Variants in LHFPL2 observed in about 807,000 individuals in gnomAD.
The protein encoded by LHFPL2 is LHFPL tetraspan subfamily member 2 protein.
Under a neutral mutation model 17.5 loss-of-function variants are expected in LHFPL2, and 7 were observed. The ratio of observed to expected loss-of-function variants is 0.40; its 90% CI spans 0.23 to 0.75. LHFPL2 has a LOEUF of 0.75. Ranked by LOEUF, LHFPL2 falls within the 30% of genes least tolerant of loss-of-function variation. The pLI, the probability that LHFPL2 is intolerant of heterozygous loss-of-function variation, is 0.37. For missense variants in LHFPL2, 241 were observed against 294.8 expected (o/e 0.82, Z 1.34); for synonymous variants, 134 against 116.2 (o/e 1.15, Z -0.99).
chr5:78,501,602 C>T (rs942212272), intron 4 of LHFPL2, among the ~76,000 whole-genome samples: 2 of 152,144 alleles, frequency 1.3e-5, no homozygotes, highest in East Asian at 1.9e-4. Context: ...ACTGTGTTGT[C>T]GAGGCTAGCA....
chr5:78,582,756 T>C (rs1344612252), intron 2 of LHFPL2, among the ~76,000 whole-genome samples: 1 of 152,202 alleles, frequency 6.6e-6, no homozygotes, highest in African/African-American at 2.4e-5. Flanking sequence ...AAAAAATGTA[T>C]ATTCTGTTGA....
chr5:78,574,513 T>A (rs1757079730), intron 2 of LHFPL2, among the ~76,000 whole-genome samples: 1 of 152,240 alleles, frequency 6.6e-6, no homozygotes, highest in African/African-American at 2.4e-5. Flanking sequence ...TCTAACCAAA[T>A]GTGTTAATTG....
intron 4 of LHFPL2, among the ~76,000 whole-genome samples, chr5:78,507,450 G>A (rs545727974): frequency 6.6e-6 from 1 of 152,240 alleles, no homozygotes; most frequent in East Asian, 1.9e-4. Context: ...ATGCACACCA[G>A]AGTACCAAAA....
At chr5:78,518,753 A>AC (rs1182253322) in intron 3 of LHFPL2, among the ~76,000 whole-genome samples, 1 of 123,726 alleles carries the variant, frequency 8.1e-6, no homozygotes, top group African/African-American at 3.3e-5. Flanking sequence ...ATGGTCACAG[A>AC]AAAACCCCTT....
chr5:78,556,939 C>T (rs1158866502), intron 3 of LHFPL2, among the ~76,000 whole-genome samples: 1 of 151,260 alleles, frequency 6.6e-6, no homozygotes, highest in Non-Finnish European at 1.5e-5. Flanking sequence ...GGACAGGTCA[C>T]ACATAAACAG....
intron 3 of LHFPL2, among the ~76,000 whole-genome samples, chr5:78,535,349 T>A (rs1250002077): frequency 6.6e-6 from 1 of 152,020 alleles, no homozygotes; most frequent in African/African-American, 2.4e-5. Context: ...CCCCTCAGAT[T>A]CCCCAGATCT....
At chr5:78,579,440 C>T (rs1742998356) in intron 2 of LHFPL2, among the ~76,000 whole-genome samples, 1 of 152,122 alleles carries the variant, frequency 6.6e-6, no homozygotes, top group East Asian at 1.9e-4. Context: ...GCGCTGCACC[C>T]ACTAACTCGT....
Position 78,641,904 on chromosome 5 carries a change from T to TACACACACAC in LHFPL2, c.-350+6594_-350+6595insGTGTGTGTGT, listed in dbSNP as rs1437378031. The stretch of plus-strand genomic sequence containing the variant: ...TTATTGTATTTAAGAAAATGTACAG[T>TACACACACAC]ATACACACACACACACACACACACA... On this transcript the variant is annotated intron_variant, in intron 1 of 4. Transcript: ENST00000380345. 7.0e-4 allele frequency: 22 copies of TACACACACAC among 31,514 alleles called. No homozygotes were observed. In the East Asian group the frequency reaches 0.021, roughly 29 times the overall value. 2.0% of individuals were successfully genotyped at this position (31,514 alleles called of 1,614,324 possible).
intron 3 of LHFPL2, among the ~76,000 whole-genome samples, chr5:78,554,772 G>T (rs1422908954): frequency 6.6e-6 from 1 of 152,194 alleles, no homozygotes; most frequent in Admixed American, 6.5e-5. Flanking sequence ...AGCTGTCTCA[G>T]ATCTTGGGGA....
chr5:78,524,614 C>T (rs755386214), intron 3 of LHFPL2, among the ~76,000 whole-genome samples: 6 of 151,926 alleles, frequency 3.9e-5, no homozygotes, highest in African/African-American at 7.3e-5. Flanking sequence ...TGGTGGCGGG[C>T]GCCTGTAGCC....
At chr5:78,547,243 G>C (rs934417434) in intron 3 of LHFPL2, among the ~76,000 whole-genome samples, 28 of 152,216 alleles carry the variant, frequency 1.8e-4, no homozygotes, top group African/African-American at 6.8e-4. Context: ...GGCTGCATCA[G>C]TAACAACAGA....
At chr5:78,504,651 C>CACGT (rs1754878413) in intron 4 of LHFPL2, among the ~76,000 whole-genome samples, 1 of 152,222 alleles carries the variant, frequency 6.6e-6, no homozygotes, top group Non-Finnish European at 1.5e-5. Context: ...GCAAAACCCC[C>CACGT]ACGTGTCTGT....
intron 3 of LHFPL2, among the ~76,000 whole-genome samples, chr5:78,561,586 A>G (rs1756728746): frequency 6.6e-6 from 1 of 152,234 alleles, no homozygotes; most frequent in Non-Finnish European, 1.5e-5. Context: ...GATAAAACGC[A>G]GCTCAACAAG....
intron 4 of LHFPL2, among the ~76,000 whole-genome samples, chr5:78,496,912 C>T (rs1036175938): frequency 2.6e-5 from 4 of 152,194 alleles, no homozygotes; most frequent in African/African-American, 9.6e-5. Context: ...CTCCTGATCA[C>T]AGCTGGCCCC....
At chr5:78,645,900 A>G (rs888441602) in intron 1 of LHFPL2, among the ~76,000 whole-genome samples, 9 of 152,144 alleles carry the variant, frequency 5.9e-5, no homozygotes, top group Admixed American at 2.0e-4. Context: ...CATATATTAA[A>G]GCTTTTTGGA....
At chr5:78,548,210 A>G (rs1756342599) in intron 3 of LHFPL2, among the ~76,000 whole-genome samples, 1 of 152,188 alleles carries the variant, frequency 6.6e-6, no homozygotes, top group African/African-American at 2.4e-5. Context: ...GGATGTGGCG[A>G]TGCAGAGGCC....
At position 78,509,987 on chromosome 5, in the gene LHFPL2, A is replaced by T; in HGVS notation, c.227T>A (p.Phe76Tyr). 6.2e-7 allele frequency: 1 copy of T among 1,613,720 alleles called. No individual in the cohort carries two copies. Among genetic ancestry groups the T allele is most frequent in the Admixed American group, 1.7e-5 (1 of 59,992 alleles). The change falls in exon 4 of 5, where the codon TTC (phenylalanine) becomes TAC (tyrosine). Residue 76 changes from phenylalanine (F) to tyrosine (Y), a missense_variant. By Grantham distance (22) the Phe-to-Tyr change is conservative (BLOSUM62 3). Coordinates refer to ENST00000380345, the MANE Select transcript of LHFPL2 (RefSeq NM_005779.3). ...RCIRNPGVQH[F>Y]QRDTLCGPYA... ...GGGCCCGCACAGCGTGTCCCGCTGG[A>T]AGTGCTGCACCCCTGGGTTCCGGAT...
In LHFPL2 at chr5:78,494,406, C is replaced by A. The variant is rs1488388033; in HGVS notation, c.431-5253G>T. On this transcript the variant is annotated intron_variant, in intron 4 of 4. Coordinates refer to ENST00000380345, the MANE Select transcript of LHFPL2 (RefSeq NM_005779.3). ...GACAGAATGGTGCCCTAGAAGGTAA[C>A]AATTTTCATAACCTTAAAAGACTCC... 7 of 985,248 alleles carry A rather than the reference C, an allele frequency of 7.1e-6. No individual in the cohort carries two copies. The African/African-American group carries it at 1.2e-4, about 17-fold the overall frequency. The allele number at this position is 985,248 out of a possible 1,614,324, so 61.0% of individuals were successfully genotyped here.
intron 2 of LHFPL2, among the ~76,000 whole-genome samples, chr5:78,584,632 T>A (rs1743295867): frequency 6.6e-6 from 1 of 152,162 alleles, no homozygotes; most frequent in Admixed American, 6.5e-5. Flanking sequence ...GAGGAGGCAG[T>A]CTGCCCGTTC....
Sources: allele counts gnomAD v4.1 joint callset (sites outside exome capture counted in the v4.1 genomes callset), GRCh38; gene constraint gnomAD v4.1.1; transcripts MANE v1.5; gene names NCBI Gene and HGNC (gene_info 2026-07-23, HGNC 2026-07-21).